The following HIVEP3 variants were observed in gnomAD, a reference collection of about 807,000 sequenced individuals.
The protein encoded by HIVEP3 is HIVEP zinc finger 3, also known as transcription factor HIVEP3.
In HIVEP3, 49 loss-of-function variants were observed where a neutral mutation model predicts 152.8. The ratio of observed to expected loss-of-function variants is 0.32; its 90% CI spans 0.26 to 0.41. The LOEUF is 0.41. Among genes scored for constraint, HIVEP3 ranks in the 10% least tolerant of loss-of-function variants. The pLI is 1.00. For synonymous variants in HIVEP3, 1,269 were observed against 1,289.0 expected (o/e 0.98, Z 0.33); for missense variants, 2,790 against 3,103.3 (o/e 0.90, Z 2.40).
intron 3 of HIVEP3, among the ~76,000 whole-genome samples, chr1:41,620,252 G>C (rs1189231986): frequency 6.6e-6 from 1 of 152,172 alleles, no homozygotes; most frequent in Admixed American, 6.5e-5. Flanking sequence ...AGCTACGCTG[G>C]CCAGGAGCAC....
intron 5 of HIVEP3, among the ~76,000 whole-genome samples, chr1:41,551,842 T>C (rs1295417897): frequency 1.3e-5 from 2 of 152,234 alleles, no homozygotes; most frequent in Non-Finnish European, 1.5e-5. Context: ...CCTGGATTCA[T>C]TGATTTTTTC....
At chr1:41,870,128 CT>C (rs1467410731) in intron 1 of HIVEP3, among the ~76,000 whole-genome samples, 1 of 152,078 alleles carries the variant, frequency 6.6e-6, no homozygotes, top group Non-Finnish European at 1.5e-5. Flanking sequence ...CATAGTGCCC[CT>C]ATGACTCCAA....
chr1:41,642,855 A>G (rs1645396216), intron 2 of HIVEP3, among the ~76,000 whole-genome samples: 2 of 152,174 alleles, frequency 1.3e-5, no homozygotes, highest in South Asian at 4.1e-4. Flanking sequence ...GGTGTCAGCC[A>G]GGGGCCAGGA....
At chr1:41,643,524 G>A (rs148850834) in intron 2 of HIVEP3, among the ~76,000 whole-genome samples, 135 of 152,280 alleles carry the variant, frequency 8.9e-4, no homozygotes, top group African/African-American at 3.1e-3. Flanking sequence ...GTGTTGCCCT[G>A]ACACCACCAT....
At chr1:42,004,849 C>T (rs931250041) in intron 1 of HIVEP3, among the ~76,000 whole-genome samples, 1 of 152,178 alleles carries the variant, frequency 6.6e-6, no homozygotes, top group Admixed American at 6.6e-5. Context: ...TTTCAAGTCA[C>T]CATTGTGATC....
intron 7 of HIVEP3, 147 bp downstream of exon 7, chr1:41,518,255 A>C: frequency 1.4e-6 from 1 of 732,228 alleles, no homozygotes; most frequent in Non-Finnish European, 2.5e-6. Flanking sequence ...GGAGAACTGA[A>C]GGTGAAGCTA....
chr1:41,925,405 T>A (rs917589889), intron 1 of HIVEP3, among the ~76,000 whole-genome samples: 3 of 152,194 alleles, frequency 2.0e-5, no homozygotes, highest in Non-Finnish European at 4.4e-5. Flanking sequence ...ACAAGTAAGC[T>A]AGAGCAAAGA....
chr1:41,514,352 T>C (rs1486949321), intron 7 of HIVEP3, among the ~76,000 whole-genome samples: 1 of 152,226 alleles, frequency 6.6e-6, no homozygotes, highest in African/African-American at 2.4e-5. Flanking sequence ...ACCATATTAA[T>C]ACATTAATGA....
intron 1 of HIVEP3, among the ~76,000 whole-genome samples, chr1:41,965,275 T>C (rs1204265598): frequency 6.6e-6 from 1 of 152,070 alleles, no homozygotes; most frequent in Non-Finnish European, 1.5e-5. Context: ...AGACTGAAGG[T>C]GGATAAGCTT....
At chr1:41,614,421 T>A (rs1644939177) in intron 3 of HIVEP3, among the ~76,000 whole-genome samples, 1 of 152,186 alleles carries the variant, frequency 6.6e-6, no homozygotes, top group Non-Finnish European at 1.5e-5. Context: ...GCAGTGGCCA[T>A]CCCAACTGCT....
intron 1 of HIVEP3, among the ~76,000 whole-genome samples, chr1:41,850,966 T>C (rs1398281153): frequency 2.0e-5 from 3 of 152,222 alleles, no homozygotes; most frequent in Non-Finnish European, 4.4e-5. Context: ...TCCTTCTGTA[T>C]GTTTCCTCTT....
At chr1:41,621,449 G>A (rs752811078) in intron 3 of HIVEP3, among the ~76,000 whole-genome samples, 82 of 152,244 alleles carry the variant, frequency 5.4e-4, no homozygotes, top group Admixed American at 3.3e-4. Flanking sequence ...GCCTGCAGCC[G>A]TGGCCAGACT....
At chr1:41,645,544 A>G (rs1339629887) in intron 2 of HIVEP3, among the ~76,000 whole-genome samples, 1 of 151,976 alleles carries the variant, frequency 6.6e-6, no homozygotes, top group Non-Finnish European at 1.5e-5. Flanking sequence ...ACCATTCACA[A>G]CCTATGGCTT....
At chr1:42,022,086 A>G (rs1645557873) in intron 1 of HIVEP3, among the ~76,000 whole-genome samples, 1 of 152,238 alleles carries the variant, frequency 6.6e-6, no homozygotes, top group Non-Finnish European at 1.5e-5. Flanking sequence ...GCTGGGTAGC[A>G]AAATCCACAG....
At chr1:41,661,452 C>T (rs1004259859) in intron 2 of HIVEP3, among the ~76,000 whole-genome samples, 3 of 152,234 alleles carry the variant, frequency 2.0e-5, no homozygotes, top group African/African-American at 7.2e-5. Flanking sequence ...GCTCTGGAAA[C>T]ATCCAGGCTG....
intron 1 of HIVEP3, among the ~76,000 whole-genome samples, chr1:42,029,934 C>T (rs1430387727): frequency 1.3e-5 from 2 of 152,234 alleles, no homozygotes; most frequent in African/African-American, 2.4e-5. Context: ...GTGTCAGCTA[C>T]AACGCTGTTT....
chr1:41,786,751 T>C (rs1057158179), intron 1 of HIVEP3, among the ~76,000 whole-genome samples: 37 of 141,332 alleles, frequency 2.6e-4, no homozygotes, highest in Middle Eastern at 3.4e-3. Flanking sequence ...TGTAATTTTC[T>C]TTCTTTTTTT....
At chr1:41,629,049 C>G in intron 2 of HIVEP3, 102 bp from the exon 3 acceptor site, 1 of 781,792 alleles carries the variant, frequency 1.3e-6, no homozygotes, top group East Asian at 3.7e-5. Context: ...CACCCCCCAA[C>G]TACTCCCAAG....
rs538962735 is a variant in HIVEP3 at position 41,742,993 on chromosome 1, A to G, written c.-800-41998T>C. Among the ~76,000 whole-genome samples the G allele has an allele frequency of 2.0e-5, 3 of 152,152 alleles. No individual in the cohort carries two copies. In the East Asian group the frequency reaches 5.8e-4, roughly 29 times the overall value. ...TGGGGATCGTAACAGAACTAATTTC[A>G]TGGGGCTGTTGTGAGGATTAAATGA... On this transcript the variant is annotated intron_variant, in intron 1 of 8. Transcript: ENST00000372583.
Sources: gnomAD v4.1 joint callset for allele counts (sites outside exome capture counted in the v4.1 genomes callset) on GRCh38, gnomAD v4.1.1 for gene constraint, MANE v1.5 for transcripts, NCBI Gene and HGNC (gene_info 2026-07-23, HGNC 2026-07-21) for gene names.